The following GOLGA4 variants were observed in gnomAD, a reference collection of about 807,000 sequenced individuals.
The protein encoded by GOLGA4 is golgin subfamily A member 4.
In GOLGA4, 169 loss-of-function variants were observed where a neutral mutation model predicts 265.9. The ratio of observed to expected loss-of-function variants is 0.64; its 90% confidence interval spans 0.56 to 0.72. The LOEUF (loss-of-function observed/expected upper bound fraction) is 0.72, where lower values mean the gene tolerates loss of function less well. Among genes scored for constraint, GOLGA4 ranks in the 30% least tolerant of loss-of-function variants. GOLGA4 has a pLI of 0.00. For synonymous variants in GOLGA4, 923 were observed against 855.8 expected (o/e 1.08, Z -1.37); for missense variants, 2,482 against 2,483.4 (o/e 1.00, Z 0.01).
intron 12 of GOLGA4, 42 bp from the exon 13 acceptor site, chr3:37,321,689 A>G (rs2096955319): frequency 1.9e-6 from 3 of 1,554,474 alleles, no homozygotes; most frequent in South Asian, 2.4e-5. Flanking sequence ...AATGCTGAAG[A>G]TTTATGTGCG....
At chr3:37,310,916 C>G (rs938652004) in intron 10 of GOLGA4, among the ~76,000 whole-genome samples, 2 of 152,146 alleles carry the variant, frequency 1.3e-5, no homozygotes, top group African/African-American at 4.8e-5. Context: ...GTGACTGATG[C>G]ACGCTTTATT....
chr3:37,292,671 G>A (rs1237711482), intron 5 of GOLGA4, among the ~76,000 whole-genome samples: 1 of 149,204 alleles, frequency 6.7e-6, no homozygotes. Context: ...TGGTGACAGC[G>A]AGACTCCGTC....
chr3:37,327,622 G>A lies in GOLGA4; in HGVS notation c.5736G>A (p.Leu1912=). 2.5e-6 allele frequency: 4 copies of A among 1,613,724 alleles called. No homozygotes were observed. The highest frequency in any genetic ancestry group is 3.4e-6 in the Non-Finnish European group (4 of 1,179,734). The change falls in exon 14 of 24, where the codon TTG becomes TTA. Residue 1912 remains leucine (L), a synonymous_variant. Transcript: ENST00000361924. The part of the protein sequence containing the change: ...ENTEEKSKSH[L]VQPKLLSNME... ...CTGAAGAAAAGTCCAAATCACATTT[G>A]GTCCAACCCAAATTGCTTAGTAACA... is the stretch of plus-strand genomic sequence containing the variant.
At chr3:37,346,443 A>C (rs1227417497) in intron 20 of GOLGA4, among the ~76,000 whole-genome samples, 2 of 152,170 alleles carry the variant, frequency 1.3e-5, no homozygotes, top group Non-Finnish European at 2.9e-5. Flanking sequence ...TATGTAAATT[A>C]CTTTTTTTAT....
chr3:37,251,295 C>G (rs2096732963), intron 1 of GOLGA4, 100 bp from the exon 2 acceptor site: 1 of 672,288 alleles, frequency 1.5e-6, no homozygotes, highest in African/African-American at 1.8e-5. Flanking sequence ...TCCTTTCTTT[C>G]ACTGAATTCT....
intron 9 of GOLGA4, among the ~76,000 whole-genome samples, chr3:37,300,861 G>T (rs1007228958): frequency 5.9e-5 from 9 of 151,978 alleles, no homozygotes; most frequent in African/African-American, 2.2e-4. Flanking sequence ...TTATGAATCA[G>T]GGTCCAAATA....
intron 2 of GOLGA4, among the ~76,000 whole-genome samples, chr3:37,269,666 A>G (rs1225196915): frequency 6.6e-6 from 1 of 152,190 alleles, no homozygotes; most frequent in Non-Finnish European, 1.5e-5. Context: ...GCACAAATGG[A>G]GAAGGCATTA....
In GOLGA4 at chr3:37,323,703, C is replaced by T; in HGVS notation, c.1817C>T (p.Thr606Ile). 6.2e-7 allele frequency: 1 copy of T among 1,613,564 alleles called. No homozygotes were observed. The highest frequency in any genetic ancestry group is 8.5e-7 in the Non-Finnish European group (1 of 1,179,812). The change falls in exon 14 of 24, where the codon ACA (threonine) becomes ATA (isoleucine). Residue 606 changes from threonine (T) to isoleucine (I), a missense_variant. This residue lies in a region of GOLGA4 where 1,536 missense variants were observed against 1,483.7 expected (regional missense o/e 1.04). Transcript: ENST00000361924. ...AEKNKHNKEI[T>I]VMVEKHKTEL... is the part of the protein sequence containing the mutation. ...AAAAATAAGCACAATAAGGAGATTA[C>T]AGTCATGGTTGAAAAACACAAGACA...
chr3:37,264,648 T>G (rs1208674724), intron 2 of GOLGA4, among the ~76,000 whole-genome samples: 1 of 152,156 alleles, frequency 6.6e-6, no homozygotes, highest in Non-Finnish European at 1.5e-5. Context: ...TCAGATGTTA[T>G]TATATATGGT....
intron 5 of GOLGA4, among the ~76,000 whole-genome samples, chr3:37,294,145 G>T (rs560322884): frequency 6.6e-6 from 1 of 152,226 alleles, no homozygotes; most frequent in South Asian, 2.1e-4. Flanking sequence ...CAATGGATTT[G>T]GTTAGGAAGG....
intron 2 of GOLGA4, among the ~76,000 whole-genome samples, chr3:37,252,470 G>T (rs896419290): frequency 3.3e-5 from 5 of 152,076 alleles, no homozygotes; most frequent in African/African-American, 1.2e-4. Flanking sequence ...ACATGTACCT[G>T]CATTTCTGTT....
intron 2 of GOLGA4, among the ~76,000 whole-genome samples, chr3:37,269,061 A>G (rs1426236353): frequency 6.6e-6 from 1 of 152,238 alleles, no homozygotes; most frequent in Non-Finnish European, 1.5e-5. Context: ...CTCAGCAGTC[A>G]ATGCAATGGT....
chr3:37,297,397 A>G (rs1325068274), intron 7 of GOLGA4, among the ~76,000 whole-genome samples: 1 of 140,812 alleles, frequency 7.1e-6, no homozygotes, highest in Admixed American at 7.0e-5. Context: ...AGAAAGTTGC[A>G]CTTACCAGAA....
chr3:37,355,071 G>A lies in GOLGA4; in HGVS notation c.6577-30G>A, dbSNP rs1260483538. The A allele has an allele frequency of 7.2e-6, 9 of 1,251,728 alleles. No individual in the cohort carries two copies. In the African/African-American group the frequency reaches 1.2e-4, roughly 16 times the overall value. 77.5% of individuals were successfully genotyped at this position (1,251,728 alleles called of 1,614,324 possible). A position where few individuals can be genotyped will look rare whatever the true frequency, so the allele number is the denominator to read the frequency against. On this transcript the variant is annotated intron_variant, in intron 21 of 23. Transcript: ENST00000361924. ...TGAGACTTTATATGCTTCACTGTCT[G>A]TTAGTGATCATCTCTTGTTTTTCTT... is the stretch of plus-strand genomic sequence containing the variant.
At chr3:37,349,833 A>G (rs2097068173) in intron 21 of GOLGA4, among the ~76,000 whole-genome samples, 1 of 152,150 alleles carries the variant, frequency 6.6e-6, no homozygotes, top group South Asian at 2.1e-4. Flanking sequence ...ATGTCTTCTC[A>G]CCTGTGTTTC....
intron 20 of GOLGA4, among the ~76,000 whole-genome samples, chr3:37,346,303 T>C (rs1445063793): frequency 1.3e-5 from 2 of 152,224 alleles, no homozygotes; most frequent in Non-Finnish European, 2.9e-5. Flanking sequence ...GTAGTCCTTA[T>C]ATCTCTGTTG....
intron 13 of GOLGA4, 133 bp from the exon 14 acceptor site, chr3:37,323,454 TA>T (rs2096960978): frequency 1.6e-6 from 1 of 613,496 alleles, no homozygotes; most frequent in Non-Finnish European, 2.9e-6. Flanking sequence ...TAATTGAGCA[TA>T]GATTCTTTGT....
Position 37,326,968 on chromosome 3 carries a change from A to G in GOLGA4, c.5082A>G (p.Lys1694=). ...GGGAAGTTCACATCTTGGAAGAAAA[A>G]CTTAAGTCAGTGGAAAGTTCACAGT... ...REREVHILEE[K]LKSVESSQSE... Residue 1694 remains lysine, a synonymous_variant, in exon 14 of 24, where the codon AAA becomes AAG. Transcript: ENST00000361924. The G allele has an allele frequency of 6.2e-7, 1 of 1,613,950 alleles. No homozygotes were observed. Among genetic ancestry groups the G allele is most frequent in the Non-Finnish European group, 8.5e-7 (1 of 1,179,854 alleles).
chr3:37,243,830 C>T (rs1033613832), intron 1 of GOLGA4: 17 of 583,668 alleles, frequency 2.9e-5, no homozygotes, highest in Non-Finnish European at 5.2e-5. Flanking sequence ...AAACTTCATC[C>T]AGTCAATGAG....
Sources: gnomAD v4.1 joint callset for allele counts (sites outside exome capture counted in the v4.1 genomes callset) on GRCh38, gnomAD v4.1.1 for gene constraint, gnomAD v4.1.1 regional missense constraint, MANE v1.5 for transcripts, NCBI Gene and HGNC (gene_info 2026-07-23, HGNC 2026-07-21) for gene names.